Variants in SLC5A11 observed in about 807,000 individuals in gnomAD.
The protein encoded by SLC5A11 is sodium/myo-inositol cotransporter 2.
Under a neutral mutation model 69.8 loss-of-function variants are expected in SLC5A11, and 48 were observed. The observed-to-expected ratio is 0.69, with a 90% CI of 0.55 to 0.87. The LOEUF (loss-of-function observed/expected upper bound fraction) is 0.87. Among genes scored for constraint, SLC5A11 ranks in the 40% least tolerant of loss-of-function variants. SLC5A11 has a pLI of 0.00. For synonymous variants in SLC5A11, 319 were observed against 342.4 expected, an observed-to-expected ratio of 0.93 and a Z score of 0.75; for missense variants, 784 against 866.1, an observed-to-expected ratio of 0.91 and a Z score of 1.19.
intron 1 of SLC5A11, among the ~76,000 whole-genome samples, chr16:24,855,029 C>A (rs1428325162): frequency 4.6e-5 from 7 of 151,902 alleles, no homozygotes; most frequent in African/African-American, 9.7e-5. Context: ...TGCAGTGGGG[C>A]AATCATAACT....
At chr16:24,893,237 G>A (rs1469550729) in intron 9 of SLC5A11, among the ~76,000 whole-genome samples, 5 of 151,226 alleles carry the variant, frequency 3.3e-5, no homozygotes, top group Admixed American at 1.3e-4. Flanking sequence ...GCAGTGAGCC[G>A]AGATCATGCC....
intron 7 of SLC5A11, among the ~76,000 whole-genome samples, chr16:24,878,460 C>G (rs1299218696): frequency 6.6e-6 from 1 of 152,162 alleles, no homozygotes; most frequent in Non-Finnish European, 1.5e-5. Flanking sequence ...TTTCCGCCTC[C>G]TCTTGGCTTG....
chr16:24,870,069 A>T, intron 4 of SLC5A11, 64 bp downstream of exon 5: 2 of 1,203,694 alleles, frequency 1.7e-6, no homozygotes, highest in Non-Finnish European at 2.4e-6. Context: ...ATCTCAGGGG[A>T]AAGTTGTGTG....
At chr16:24,869,076 C>G (rs961256990) in intron 3 of SLC5A11, among the ~76,000 whole-genome samples, 2 of 152,062 alleles carry the variant, frequency 1.3e-5, no homozygotes, top group Non-Finnish European at 1.5e-5. Context: ...CCATGTTGGC[C>G]AGGCTGGTCT....
At chr16:24,910,735 T>C (rs2050455872) in intron 15 of SLC5A11, among the ~76,000 whole-genome samples, 1 of 152,150 alleles carries the variant, frequency 6.6e-6, no homozygotes. Context: ...TTGGTTCATT[T>C]CATCCTTATT....
At position 24,911,412 on chromosome 16, in the gene SLC5A11, C is replaced by T. The variant is rs145800390; in HGVS notation, c.1907C>T (p.Pro636Leu). 1.1e-5 allele frequency: 18 copies of T among 1,614,064 alleles called. No individual in the cohort carries two copies. Among genetic ancestry groups the T allele is most frequent in the African/African-American group, 9.3e-5 (7 of 75,002 alleles). Residue 636 changes from proline (P) to leucine (L), a missense_variant, in exon 16 of 16, where the codon CCG (proline) becomes CTG (leucine). Around this residue, in one of 3 missense-constraint regions of SLC5A11, gnomAD observed 550 missense variants for 606.4 expected, o/e 0.91. Coordinates refer to ENST00000347898, the Ensembl canonical transcript of SLC5A11. ...CAGGAGAAGGGCAAGGAAGAGCTCC[C>T]GGCCAGAGCAGAAGCCATCATAGTT...
chr16:24,875,584 T>C, intron 5 of SLC5A11, 43 bp from the exon 7 acceptor site: 1 of 1,542,926 alleles, frequency 6.5e-7, no homozygotes, highest in Non-Finnish European at 8.9e-7. Flanking sequence ...CACGTGCTGG[T>C]GGTGAAGTCC....
At chr16:24,905,628 A>ACGCGCGCGCGCGCG (rs148096402) in intron 10 of SLC5A11, among the ~76,000 whole-genome samples, 3 of 128,542 alleles carry the variant, frequency 2.3e-5, no homozygotes, top group African/African-American at 8.9e-5. Flanking sequence ...TCTCAAAAAC[A>ACGCGCGCGCGCGCG]CGCGCGCGCG....
intron 10 of SLC5A11, among the ~76,000 whole-genome samples, chr16:24,901,417 C>T (rs2049582613): frequency 6.6e-6 from 1 of 151,932 alleles, no homozygotes. Flanking sequence ...CAGTTTGAGA[C>T]CAGCCTGGGC....
intron 3 of SLC5A11, among the ~76,000 whole-genome samples, chr16:24,868,771 C>T (rs1229446237): frequency 6.6e-6 from 1 of 151,420 alleles, no homozygotes; most frequent in South Asian, 2.1e-4. Flanking sequence ...TTTCACAATT[C>T]TCTCTCCTCT....
intron 1 of SLC5A11, among the ~76,000 whole-genome samples, chr16:24,855,529 A>G (rs2059491717): frequency 6.6e-6 from 1 of 151,756 alleles, no homozygotes; most frequent in South Asian, 2.1e-4. Context: ...TGAGCCTAGG[A>G]GGTTGAAGTT....
chr16:24,848,513 C>T (rs1269894376), intron 1 of SLC5A11, among the ~76,000 whole-genome samples: 1 of 152,142 alleles, frequency 6.6e-6, no homozygotes, highest in Non-Finnish European at 1.5e-5. Flanking sequence ...AATCCCAGCA[C>T]TGTGCAGGGA....
intron 9 of SLC5A11, among the ~76,000 whole-genome samples, chr16:24,895,454 A>C (rs886516800): frequency 2.6e-5 from 4 of 151,788 alleles, no homozygotes; most frequent in African/African-American, 9.7e-5. Context: ...CCAGCACTGT[A>C]CTCCAACCTG....
At chr16:24,864,276 A>C (rs772487967) in intron 3 of SLC5A11, among the ~76,000 whole-genome samples, 1 of 152,216 alleles carries the variant, frequency 6.6e-6, no homozygotes, top group African/African-American at 2.4e-5. Flanking sequence ...GTGAAGGCTA[A>C]GGCAGAGTTA....
At chr16:24,883,983 C>T (rs983473344) in intron 7 of SLC5A11, 68 bp from the exon 9 acceptor site, 1 of 1,470,494 alleles carries the variant, frequency 6.8e-7, no homozygotes, top group Admixed American at 1.8e-5. Flanking sequence ...TCCAGGTTCC[C>T]TTGGTGACCC....
At position 24,871,134 on chromosome 16, in the gene SLC5A11, T is replaced by C. The variant is rs192813330; in HGVS notation, c.313-1026T>C. On this transcript the variant is annotated intron_variant, in intron 4 of 15. Coordinates refer to ENST00000347898, the Ensembl canonical transcript of SLC5A11. ...AGACTTTGATATGTTCCATATGCTA[T>C]CACATTATAGGATTCATTTACAAAT... is the stretch of plus-strand genomic sequence containing the variant. Among the ~76,000 whole-genome samples the C allele has an allele frequency of 9.6e-4, 146 of 152,318 alleles. 1 individual carries two copies. The highest frequency in any genetic ancestry group is 3.4e-3 in the African/African-American group (140 of 41,572).
chr16:24,865,344 T>C (rs1443363059), intron 3 of SLC5A11, among the ~76,000 whole-genome samples: 1 of 152,148 alleles, frequency 6.6e-6, no homozygotes, highest in African/African-American at 2.4e-5. Flanking sequence ...GCGGATCACT[T>C]GAGGTCAGGA....
intron 5 of SLC5A11, among the ~76,000 whole-genome samples, chr16:24,872,907 G>A (rs2047397171): frequency 7.6e-6 from 1 of 131,860 alleles, no homozygotes; most frequent in Admixed American, 8.1e-5. Context: ...GGAGGCCAAG[G>A]CAGGCAGGTC....
rs146350337 is a variant in SLC5A11 at position 24,855,330 on chromosome 16, G to A, written c.-24-3290G>A. ...ATAAAAGAGGCTTGAGGCCAGGTGCGGTGGCTCATGCTTATAATCCCAGCA... is the reference window on the plus strand; with the variant it reads ...ATAAAAGAGGCTTGAGGCCAGGTGCAGTGGCTCATGCTTATAATCCCAGCA... On this transcript the variant is annotated intron_variant, in intron 1 of 15. Coordinates refer to ENST00000347898, the Ensembl canonical transcript of SLC5A11. Among the ~76,000 whole-genome samples the A allele has an allele frequency of 4.8e-3, 728 of 151,810 alleles. 4 individuals carry two copies. The highest frequency in any genetic ancestry group is 0.017 in the African/African-American group (689 of 41,346).
Sources: gnomAD v4.1 joint callset for allele counts (sites outside exome capture counted in the v4.1 genomes callset) on GRCh38, gnomAD v4.1.1 for gene constraint, gnomAD v4.1.1 regional missense constraint, MANE v1.5 for transcripts, NCBI Gene and HGNC (gene_info 2026-07-23, HGNC 2026-07-21) for gene names.